Variants in SCYL3 observed in about 807,000 individuals in gnomAD.
SCYL3 encodes SCY1 like pseudokinase 3, also known as protein-associating with the carboxyl-terminal domain of ezrin.
In SCYL3, 35 loss-of-function variants were observed where a neutral mutation model predicts 73.8. The ratio of observed to expected loss-of-function variants is 0.47; its 90% CI spans 0.36 to 0.63. The LOEUF (loss-of-function observed/expected upper bound fraction) is 0.63. Ranked by LOEUF, SCYL3 falls within the 20% of genes least tolerant of loss-of-function variation. SCYL3 has a pLI of 0.00. For synonymous variants in SCYL3, 277 were observed against 295.2 expected, an observed-to-expected ratio of 0.94 and a Z score of 0.63; for missense variants, 712 against 798.9, an observed-to-expected ratio of 0.89 and a Z score of 1.31.
Position 169,854,919 on chromosome 1 carries a change from G to A in SCYL3, c.1358C>T (p.Ser453Leu). The change falls in exon 12 of 13, where the codon TCA (serine) becomes TTA (leucine). Residue 453 changes from serine (S) to leucine (L), a missense_variant. By Grantham distance (145) the Ser-to-Leu change is moderately radical. Around this residue, in one of 2 missense-constraint regions of SCYL3, gnomAD observed 370 missense variants for 350.8 expected, o/e 1.05. Transcript: ENST00000367771. ...GTCCTCCGAAGTATTTTTTACATCT[G>A]AGAGTCCATTTATGGGAAATTTAAT... Reference protein sequence around the residue: ...QPIKFPINGLSDVKNTSEDSE... With the variant: ...QPIKFPINGLLDVKNTSEDSE... 6.2e-7 allele frequency: 1 copy of A among 1,612,522 alleles called. No individual in the cohort carries two copies. Among genetic ancestry groups the A allele is most frequent in the Non-Finnish European group, 8.5e-7 (1 of 1,179,444 alleles).
intron 2 of SCYL3, among the ~76,000 whole-genome samples, chr1:169,884,964 C>T (rs886726339): frequency 6.6e-6 from 1 of 152,228 alleles, no homozygotes; most frequent in Non-Finnish European, 1.5e-5. Flanking sequence ...CTCTGCTGCT[C>T]TAAAGAATAG....
chr1:169,854,487 G>A lies in SCYL3; in HGVS notation c.1790C>T (p.Ser597Leu), dbSNP rs766126185. ...SSQERPLKVP[S>L]ELGLGEEFTI... is the part of the protein sequence containing the mutation. The stretch of plus-strand genomic sequence containing the variant: ...GAATTCCTCTCCTAAACCAAGTTCT[G>A]ATGGAACCTTAAGGGGCCTTTCTTG... Residue 597 changes from serine to leucine, a missense_variant, in exon 12 of 13, where the codon TCA becomes TTA. By Grantham distance (145) the Ser-to-Leu change is moderately radical. Transcript: ENST00000367771. The A allele has an allele frequency of 6.2e-7, 1 of 1,614,028 alleles. No individual in the cohort carries two copies. Among genetic ancestry groups the A allele is most frequent in the Non-Finnish European group, 8.5e-7 (1 of 1,179,972 alleles).
chr1:169,877,139 T>C (rs1391944101), intron 3 of SCYL3, among the ~76,000 whole-genome samples: 1 of 152,042 alleles, frequency 6.6e-6, no homozygotes, highest in African/African-American at 2.4e-5. Context: ...TAAAAAAGTA[T>C]GTTTAAAGTT....
At position 169,853,747 on chromosome 1, in the gene SCYL3, T is replaced by C; in HGVS notation, c.2033A>G (p.Glu678Gly). The C allele has an allele frequency of 1.9e-6, 3 of 1,613,788 alleles. No homozygotes were observed. Among genetic ancestry groups the C allele is most frequent in the South Asian group, 1.1e-5 (1 of 91,068 alleles). The change falls in exon 13 of 13, where the codon GAA (glutamate) becomes GGA (glycine). Residue 678 changes from glutamate (E) to glycine (G), a missense_variant. Glu to Gly is a moderately conservative substitution (Grantham distance 98). This residue lies in a region of SCYL3 where 370 missense variants were observed against 350.8 expected (regional missense o/e 1.05). Coordinates refer to ENST00000367771, the MANE Select transcript of SCYL3 (RefSeq NM_020423.7). ...TEGEAEGWEE[E>G]GELNWEDNNW ...ATTATCTTCCCAGTTCAGCTCCCCTTCTTCTTCCCAGCCTTCAGCCTCTCC... is the reference window on the plus strand; with the variant it reads ...ATTATCTTCCCAGTTCAGCTCCCCTCCTTCTTCCCAGCCTTCAGCCTCTCC...
intron 8 of SCYL3, 136 bp from the exon 9 acceptor site, chr1:169,864,644 C>A (rs1659898588): frequency 1.1e-6 from 1 of 910,160 alleles, no homozygotes. Context: ...AGAAGGTGAA[C>A]AGATTGGTCC....
chr1:169,876,170 C>A (rs540363641), intron 3 of SCYL3, 79 bp from the exon 4 acceptor site: 2 of 775,382 alleles, frequency 2.6e-6, no homozygotes, highest in Non-Finnish European at 2.0e-6. Context: ...ATGTTTTTCT[C>A]CATCTCTCAC....
At position 169,850,727 on chromosome 1, in the gene SCYL3, T is replaced by TA. The variant is rs1380539679; in HGVS notation, c.*2985dup. On this transcript the variant is annotated 3_prime_UTR_variant, in exon 13 of 13. Transcript: ENST00000367771. ...AGGAGAATTGCTTGAACTGGGGAGG[T>TA]AGAGATTGCAGTAAGCCAAGATCAT... 1.8e-5 allele frequency: 3 copies of TA among 168,990 alleles called. No individual in the cohort carries two copies. Among genetic ancestry groups the TA allele is most frequent in the African/African-American group, 7.2e-5 (3 of 41,836 alleles). 10.5% of individuals were successfully genotyped at this position (168,990 alleles called of 1,614,324 possible). A position where few individuals can be genotyped will look rare whatever the true frequency, so the allele number is the denominator to read the frequency against.
Position 169,853,081 on chromosome 1 carries a change from A to C in SCYL3, c.*632T>G. The C allele has an allele frequency of 8.6e-7, 1 of 1,166,750 alleles. No homozygotes were observed. Among genetic ancestry groups the C allele is most frequent in the Non-Finnish European group, 1.2e-6 (1 of 804,150 alleles). The allele number at this position is 1,166,750 out of a possible 1,614,324, so 72.3% of individuals were successfully genotyped here. ...TAACAGATATAAAACAAATTTTGTA[A>C]AGTTGAATCTAGTGAAAATAATCTT... On this transcript the variant is annotated 3_prime_UTR_variant, in exon 13 of 13. Transcript: ENST00000367771.
chr1:169,853,927 T>C (rs1658787645), intron 12 of SCYL3, 155 bp from the exon 13 acceptor site: 3 of 820,416 alleles, frequency 3.7e-6, no homozygotes, highest in African/African-American at 3.5e-5. Flanking sequence ...TAACAGAAAG[T>C]TGAAAAGTAG....
rs755481143 is a variant in SCYL3 at position 169,864,369 on chromosome 1, C to A, written c.955G>T (p.Asp319Tyr). ...AATAACACTTTGAAAAAGCATTCAC[C>A]TTTTTTGGGGCCAAGCAGATAAGGA... ...FLPYLLGPKK[D>Y]HAQGETPCLL... The change falls in exon 9 of 13, where the codon GAT (aspartate) becomes TAT (tyrosine). Residue 319 changes from aspartate to tyrosine, a missense_variant and splice_region_variant. Transcript: ENST00000367771. 6.2e-7 allele frequency: 1 copy of A among 1,613,866 alleles called. No homozygotes were observed. The highest frequency in any genetic ancestry group is 1.3e-5 in the African/African-American group (1 of 75,008).
intron 3 of SCYL3, 74 bp downstream of exon 3, chr1:169,878,560 G>T: frequency 4.2e-6 from 5 of 1,197,832 alleles, no homozygotes; most frequent in South Asian, 1.6e-5. Context: ...TAATTTATAA[G>T]TATTACCACA....
chr1:169,885,688 C>A (rs948297658), intron 2 of SCYL3, among the ~76,000 whole-genome samples: 4 of 152,074 alleles, frequency 2.6e-5, no homozygotes, highest in Admixed American at 2.0e-4. Flanking sequence ...AAATTCCATT[C>A]TGTAGAGCTT....
At chr1:169,877,569 G>A (rs1660940479) in intron 3 of SCYL3, among the ~76,000 whole-genome samples, 1 of 152,146 alleles carries the variant, frequency 6.6e-6, no homozygotes, top group Admixed American at 6.5e-5. Flanking sequence ...AGTGTGTATA[G>A]TATATCTCCA....
intron 10 of SCYL3, among the ~76,000 whole-genome samples, chr1:169,860,463 T>A (rs1368106976): frequency 4.6e-5 from 7 of 152,228 alleles, no homozygotes; most frequent in Admixed American, 4.6e-4. Context: ...CAGGAATCTT[T>A]GGTTTTGGTC....
chr1:169,853,677 G>A lies in SCYL3; in HGVS notation c.*36C>T, dbSNP rs750921902. On this transcript the variant is annotated 3_prime_UTR_variant, in exon 13 of 13. Coordinates refer to ENST00000367771, the MANE Select transcript of SCYL3 (RefSeq NM_020423.7). ...GGTATTGATTTTTTTTAAAAAAAGG[G>A]AATCCTTTTTCCTAAAGTTTAACTC... 6.2e-7 allele frequency: 1 copy of A among 1,600,722 alleles called. No individual in the cohort carries two copies. Among genetic ancestry groups the A allele is most frequent in the Non-Finnish European group, 8.5e-7 (1 of 1,171,962 alleles).
intron 2 of SCYL3, among the ~76,000 whole-genome samples, chr1:169,881,030 G>A (rs116311269): frequency 2.0e-5 from 3 of 152,130 alleles, no homozygotes; most frequent in East Asian, 1.9e-4. Flanking sequence ...CCCAAGTGTC[G>A]GGATTACAGG....
intron 1 of SCYL3, among the ~76,000 whole-genome samples, chr1:169,892,709 T>C (rs952298942): frequency 2.6e-5 from 4 of 152,190 alleles, no homozygotes; most frequent in Non-Finnish European, 5.9e-5. Flanking sequence ...CCTCCACTCT[T>C]TTGCCTACTT....
In SCYL3 at chr1:169,853,205, CAAAG is replaced by C. The variant is rs1172918107; in HGVS notation, c.*504_*507del. The C allele has an allele frequency of 3.6e-6, 2 of 562,020 alleles. No individual in the cohort carries two copies. Among genetic ancestry groups the C allele is most frequent in the Non-Finnish European group, 6.3e-6 (2 of 317,810 alleles). 34.8% of individuals were successfully genotyped at this position (562,020 alleles called of 1,614,324 possible). ...AACAGTCAGGAACTGCCTAGGTCCA[CAAAG>C]AACCATTTACTCAGATAGTCTAACT... On this transcript the variant is annotated 3_prime_UTR_variant, in exon 13 of 13. Coordinates refer to ENST00000367771, the MANE Select transcript of SCYL3 (RefSeq NM_020423.7).
At chr1:169,873,653 T>G in intron 5 of SCYL3, 43 bp downstream of exon 5, 1 of 1,380,228 alleles carries the variant, frequency 7.2e-7, no homozygotes, top group Non-Finnish European at 1.0e-6. Flanking sequence ...CATACTCAAT[T>G]ACACAAAGGC....
Sources: gnomAD v4.1 joint callset for allele counts (sites outside exome capture counted in the v4.1 genomes callset) on GRCh38, gnomAD v4.1.1 for gene constraint, gnomAD v4.1.1 regional missense constraint, MANE v1.5 for transcripts, NCBI Gene and HGNC (gene_info 2026-07-23, HGNC 2026-07-21) for gene names.